Variants in MARCHF4 observed in about 807,000 individuals in gnomAD.
MARCHF4 encodes membrane associated ring-CH-type finger 4.
Under a neutral mutation model 43.9 loss-of-function variants are expected in MARCHF4, and 14 were observed. The ratio of observed to expected loss-of-function variants is 0.32; its 90% CI spans 0.21 to 0.50. The LOEUF is 0.50. Among genes scored for constraint, MARCHF4 ranks in the 20% least tolerant of loss-of-function variants. MARCHF4 has a pLI of 0.98. For missense variants in MARCHF4, 468 were observed against 536.7 expected (o/e 0.87, Z 1.27); for synonymous variants, 226 against 213.3 (o/e 1.06, Z -0.52).
chr2:216,352,065 G>A lies in MARCHF4; in HGVS notation c.516+17680C>T, dbSNP rs188134941. Among the ~76,000 whole-genome samples the A allele has an allele frequency of 1.8e-3, 276 of 152,256 alleles. 2 individuals carry two copies. Among genetic ancestry groups the A allele is most frequent in the African/African-American group, 6.4e-3 (266 of 41,554 alleles). On this transcript the variant is annotated intron_variant, in intron 1 of 3. Coordinates refer to ENST00000273067, the MANE Select transcript of MARCHF4 (RefSeq NM_020814.3). ...CTCTCTGTCCAGAAAATGGCCTCTA[G>A]GTAAAAGATCTGGAATGAAAGTATG...
intron 1 of MARCHF4, among the ~76,000 whole-genome samples, chr2:216,327,559 C>T (rs1393456877): frequency 6.6e-6 from 1 of 152,182 alleles, no homozygotes; most frequent in Non-Finnish European, 1.5e-5. Flanking sequence ...AGCTTTTCTG[C>T]AACCTCTCTC....
chr2:216,288,295 G>C (rs536796243), intron 1 of MARCHF4, among the ~76,000 whole-genome samples: 24 of 152,298 alleles, frequency 1.6e-4, no homozygotes, highest in Non-Finnish European at 2.9e-4. Flanking sequence ...ATATATGCAA[G>C]AGTTTGACAC....
intron 1 of MARCHF4, among the ~76,000 whole-genome samples, chr2:216,369,379 C>T (rs1029094562): frequency 6.6e-6 from 1 of 152,208 alleles, no homozygotes; most frequent in African/African-American, 2.4e-5. Flanking sequence ...CGAAATGTTA[C>T]TAACAACAAG....
intron 1 of MARCHF4, chr2:216,321,874 G>A (rs1048478387): frequency 2.6e-5 from 4 of 152,146 alleles, no homozygotes; most frequent in African/African-American, 7.2e-5. Context: ...ATCAGCCTTG[G>A]GCATCTTGCT....
intron 1 of MARCHF4, among the ~76,000 whole-genome samples, chr2:216,336,373 A>T (rs1692157480): frequency 6.6e-6 from 1 of 152,226 alleles, no homozygotes; most frequent in Non-Finnish European, 1.5e-5. Flanking sequence ...CAAACTGAGT[A>T]ATCCGTAATG....
At chr2:216,300,342 A>ATATATGTATATACATACATATATGTG (rs1691473419) in intron 1 of MARCHF4, among the ~76,000 whole-genome samples, 1 of 136,792 alleles carries the variant, frequency 7.3e-6, no homozygotes, top group African/African-American at 2.8e-5. Context: ...ATCTCGATAT[A>ATATATGTATATACATACATATATGTG]TATATATGTA....
chr2:216,288,633 C>G (rs1480425083), intron 1 of MARCHF4, among the ~76,000 whole-genome samples: 1 of 152,032 alleles, frequency 6.6e-6, no homozygotes, highest in African/African-American at 2.4e-5. Context: ...GGATGCCAAA[C>G]AGAAGAAGAG....
intron 3 of MARCHF4, among the ~76,000 whole-genome samples, chr2:216,262,950 T>C (rs1690765743): frequency 6.6e-6 from 1 of 152,040 alleles, no homozygotes; most frequent in South Asian, 2.1e-4. Flanking sequence ...GACAAACAAA[T>C]GAACAAACCC....
At chr2:216,342,130 G>A (rs1692247679) in intron 1 of MARCHF4, among the ~76,000 whole-genome samples, 1 of 152,000 alleles carries the variant, frequency 6.6e-6, no homozygotes, top group African/African-American at 2.4e-5. Flanking sequence ...TAAAACATTT[G>A]TTTACATAGC....
intron 1 of MARCHF4, among the ~76,000 whole-genome samples, chr2:216,313,641 C>T (rs1449845704): frequency 1.3e-5 from 2 of 152,206 alleles, no homozygotes; most frequent in Non-Finnish European, 2.9e-5. Flanking sequence ...TCTCTGACAG[C>T]TCTCCATCTC....
chr2:216,334,861 A>G (rs55921562), intron 1 of MARCHF4, among the ~76,000 whole-genome samples: 57,874 of 152,116 alleles, frequency 0.38, 11,676 homozygotes, highest in East Asian at 0.55. Context: ...TAGCCCGTTA[A>G]TGGAATAAGT....
At chr2:216,280,115 C>A (rs1478061985) in intron 2 of MARCHF4, among the ~76,000 whole-genome samples, 1 of 152,028 alleles carries the variant, frequency 6.6e-6, no homozygotes, top group East Asian at 1.9e-4. Context: ...GTTCTATGGA[C>A]AAGGCACTCT....
chr2:216,278,407 A>C (rs1283905142), intron 2 of MARCHF4, among the ~76,000 whole-genome samples: 1 of 152,064 alleles, frequency 6.6e-6, no homozygotes, highest in Non-Finnish European at 1.5e-5. Flanking sequence ...TGTATTTTTT[A>C]GTAGAGACAG....
chr2:216,320,670 T>C (rs904137384), intron 1 of MARCHF4, among the ~76,000 whole-genome samples: 13 of 105,116 alleles, frequency 1.2e-4, no homozygotes, highest in Admixed American at 7.6e-4. Flanking sequence ...TTTCTTTCTT[T>C]CTTTCTTTTT....
intron 3 of MARCHF4, among the ~76,000 whole-genome samples, chr2:216,266,948 A>G (rs1364875835): frequency 6.6e-6 from 1 of 152,222 alleles, no homozygotes; most frequent in Non-Finnish European, 1.5e-5. Context: ...TAAAGTTACC[A>G]TAAAGTTACA....
At position 216,327,935 on chromosome 2, in the gene MARCHF4, AT is replaced by A. The variant is rs559675371; in HGVS notation, c.516+41809del. Among the ~76,000 whole-genome samples, 1,399 of 148,756 alleles carry A rather than the reference AT, an allele frequency of 9.4e-3. 20 individuals carry two copies. Among genetic ancestry groups the A allele is most frequent in the African/African-American group, 0.03 (1,217 of 40,492 alleles). On this transcript the variant is annotated intron_variant, in intron 1 of 3. Transcript: ENST00000273067. Reference sequence around the variant, plus strand: ...AGAAATTTGTATTTTTATGTGAAATATTTTTTTTTAATATTAGCTTGCAAAA... The same window carrying A: ...AGAAATTTGTATTTTTATGTGAAATATTTTTTTTAATATTAGCTTGCAAAA...
intron 1 of MARCHF4, among the ~76,000 whole-genome samples, chr2:216,362,864 T>A (rs1692607769): frequency 6.6e-6 from 1 of 152,190 alleles, no homozygotes; most frequent in South Asian, 2.1e-4. Flanking sequence ...CTGATGCATC[T>A]CAGGAGGGGG....
chr2:216,264,988 G>A (rs1460645096), intron 3 of MARCHF4, among the ~76,000 whole-genome samples: 1 of 152,128 alleles, frequency 6.6e-6, no homozygotes, highest in East Asian at 1.9e-4. Context: ...GATTTCTTGG[G>A]TGGCAGCGTA....
chr2:216,284,246 C>T (rs1477341570), intron 1 of MARCHF4, among the ~76,000 whole-genome samples: 1 of 152,076 alleles, frequency 6.6e-6, no homozygotes, highest in African/African-American at 2.4e-5. Flanking sequence ...GACAAATGCC[C>T]TCACTGAAGG....
Sources: gnomAD v4.1 joint callset for allele counts (sites outside exome capture counted in the v4.1 genomes callset) on GRCh38, gnomAD v4.1.1 for gene constraint, MANE v1.5 for transcripts, NCBI Gene and HGNC (gene_info 2026-07-23, HGNC 2026-07-21) for gene names.